The following FKBP5 variants were observed in gnomAD, a reference collection of about 807,000 sequenced individuals.
The protein encoded by FKBP5 is peptidyl-prolyl cis-trans isomerase FKBP5.
A neutral mutation model predicts 50.5 loss-of-function variants in FKBP5; 23 were observed. That is an observed-to-expected ratio of 0.46 (90% CI 0.33 to 0.65). The LOEUF is 0.65. FKBP5 is among the 30% of genes least tolerant of loss of function. The pLI, the probability that FKBP5 is intolerant of heterozygous loss-of-function variation, is 0.02. For missense variants in FKBP5, 411 were observed against 553.1 expected (o/e 0.74, Z 2.58); for synonymous variants, 176 against 190.6 (o/e 0.92, Z 0.63).
At chr6:35,683,115 C>CGT (rs1191313976) in intron 1 of FKBP5, among the ~76,000 whole-genome samples, 13 of 56,236 alleles carry the variant, frequency 2.3e-4, no homozygotes, top group East Asian at 4.9e-4. Context: ...TATATATATA[C>CGT]GTATATGTGT....
chr6:35,714,814 C>CAAAA (rs113161701), intron 2 of FKBP5, among the ~76,000 whole-genome samples: 3 of 138,932 alleles, frequency 2.2e-5, no homozygotes, highest in Middle Eastern at 3.7e-3. Flanking sequence ...AACTCTGTCT[C>CAAAA]AAAAAAAAAA....
chr6:35,685,524 T>C (rs1280268999), intron 1 of FKBP5, among the ~76,000 whole-genome samples: 1 of 152,234 alleles, frequency 6.6e-6, no homozygotes. Context: ...TCAAATAGTT[T>C]CAGAATTATA....
intron 5 of FKBP5, among the ~76,000 whole-genome samples, chr6:35,611,719 T>C (rs954887169): frequency 3.3e-5 from 5 of 152,280 alleles, no homozygotes; most frequent in Admixed American, 3.3e-4. Flanking sequence ...TACAAGATGG[T>C]CATCTTAACT....
chr6:35,688,221 C>T (rs1010591536), intron 1 of FKBP5, among the ~76,000 whole-genome samples: 4 of 152,220 alleles, frequency 2.6e-5, no homozygotes, highest in Admixed American at 6.5e-5. Flanking sequence ...GCGGCCACCC[C>T]GCCACCATCC....
At chr6:35,592,315 C>A (rs1035848559) in intron 6 of FKBP5, among the ~76,000 whole-genome samples, 2 of 152,166 alleles carry the variant, frequency 1.3e-5, no homozygotes, top group East Asian at 3.8e-4. Context: ...GCACCACTTT[C>A]TTTACCCTTT....
In FKBP5 at chr6:35,583,847, C is replaced by T. The variant is rs796393873; in HGVS notation, c.840+3187G>A. Reference sequence around the variant, plus strand: ...AAACATCAAATCCTAGAGTCATAAACGGCTTGTTTCTAAATCACATTACTG... The same window carrying T: ...AAACATCAAATCCTAGAGTCATAAATGGCTTGTTTCTAAATCACATTACTG... On this transcript the variant is annotated intron_variant, in intron 8 of 10. Coordinates refer to ENST00000357266, the MANE Select transcript of FKBP5 (RefSeq NM_004117.4). 3.7e-5 allele frequency: 36 copies of T among 985,334 alleles called. 1 individual carries two copies. In the South Asian group the frequency reaches 6.1e-4, roughly 17 times the overall value. The allele number at this position is 985,334 out of a possible 1,614,324, so 61.0% of individuals were successfully genotyped here.
At chr6:35,582,236 A>C (rs1330183534) in intron 8 of FKBP5, 22 of 985,408 alleles carry the variant, frequency 2.2e-5, no homozygotes, top group Non-Finnish European at 2.5e-5. Flanking sequence ...CAGGTCATTC[A>C]TAAGAACACG....
intron 1 of FKBP5, among the ~76,000 whole-genome samples, chr6:35,726,476 T>C (rs573875307): frequency 6.6e-6 from 1 of 150,614 alleles, no homozygotes; most frequent in South Asian, 2.1e-4. Flanking sequence ...AGCGTGGAGG[T>C]TGTTTTGTGG....
At chr6:35,585,156 A>C in intron 8 of FKBP5, 5 of 981,466 alleles carry the variant, frequency 5.1e-6, no homozygotes, top group Non-Finnish European at 6.1e-6. Context: ...AAATCTTCCC[A>C]AACTGTTAAT....
chr6:35,593,550 CTGTT>C (rs1477887500), intron 6 of FKBP5, among the ~76,000 whole-genome samples: 2 of 151,958 alleles, frequency 1.3e-5, no homozygotes, highest in Non-Finnish European at 2.9e-5. Flanking sequence ...TCTTGGTAGT[CTGTT>C]TTTTTATTTT....
intron 1 of FKBP5, among the ~76,000 whole-genome samples, chr6:35,662,375 A>G (rs1765092672): frequency 6.6e-6 from 1 of 151,888 alleles, no homozygotes. Context: ...GCCAGGCTCA[A>G]ATAGTCCTCC....
At chr6:35,713,077 T>TAAAAAA (rs34258638) in intron 2 of FKBP5, among the ~76,000 whole-genome samples, 10 of 52,986 alleles carry the variant, frequency 1.9e-4, no homozygotes, top group African/African-American at 6.9e-4. Flanking sequence ...ATCTGGTCTC[T>TAAAAAA]AAAAAAAAAA....
At chr6:35,651,953 C>A in intron 1 of FKBP5, 1 of 766,958 alleles carries the variant, frequency 1.3e-6, no homozygotes, top group South Asian at 2.3e-5. Flanking sequence ...TGCAGGAAGT[C>A]AGGGACCCCA....
intron 5 of FKBP5, among the ~76,000 whole-genome samples, chr6:35,610,429 G>A (rs769018448): frequency 1.3e-3 from 198 of 151,808 alleles, no homozygotes; most frequent in Non-Finnish European, 2.1e-3. Flanking sequence ...TCAGCTGGGC[G>A]TGGTGGCAGG....
intron 1 of FKBP5, among the ~76,000 whole-genome samples, chr6:35,683,118 ATATGTG>A (rs1338156714): frequency 0.052 from 5,638 of 108,674 alleles, 459 homozygotes; most frequent in East Asian, 0.12. Context: ...ATATATACGT[ATATGTG>A]TGTGTGTGTG....
chr6:35,638,262 T>C (rs2150987279), intron 2 of FKBP5, among the ~76,000 whole-genome samples: 1 of 152,280 alleles, frequency 6.6e-6, no homozygotes, highest in Non-Finnish European at 1.5e-5. Flanking sequence ...TGAACATCTT[T>C]TTGGGGAAGG....
chr6:35,596,801 C>CT lies in FKBP5; in HGVS notation c.665+446dup, dbSNP rs924573780. 9.9e-5 allele frequency among the ~76,000 whole-genome samples: 15 copies of CT among 151,084 alleles called. 1 individual carries two copies. The highest frequency in any genetic ancestry group is 7.8e-4 in the East Asian group (4 of 5,152). On this transcript the variant is annotated intron_variant, in intron 6 of 10. Coordinates refer to ENST00000357266, the MANE Select transcript of FKBP5 (RefSeq NM_004117.4). ...TGCCTTTAGATCCAGGAAGAATGTG[C>CT]TTTTTTTTTCAGGGACTCTGTATAA...
At chr6:35,664,599 CCT>C (rs1355387672) in intron 1 of FKBP5, 2 of 154,124 alleles carry the variant, frequency 1.3e-5, no homozygotes, top group Non-Finnish European at 2.9e-5. Context: ...TATTAAATTT[CCT>C]CTCTGCCTGG....
chr6:35,672,312 C>G (rs528637735), intron 1 of FKBP5, among the ~76,000 whole-genome samples: 1 of 151,840 alleles, frequency 6.6e-6, no homozygotes, highest in Non-Finnish European at 1.5e-5. Flanking sequence ...AAAAAGAAAC[C>G]AAACCATGAG....
Sources: allele counts gnomAD v4.1 joint callset (sites outside exome capture counted in the v4.1 genomes callset), GRCh38; gene constraint gnomAD v4.1.1; transcripts MANE v1.5; gene names NCBI Gene and HGNC (gene_info 2026-07-23, HGNC 2026-07-21).